Variants in CDKAL1 observed in about 807,000 individuals in gnomAD.
CDKAL1 encodes the protein threonylcarbamoyladenosine tRNA methylthiotransferase.
Under a neutral mutation model 68.2 loss-of-function variants are expected in CDKAL1, and 32 were observed. The observed-to-expected ratio is 0.47, with a 90% CI of 0.35 to 0.63. CDKAL1 has a LOEUF of 0.63. CDKAL1 is among the 30% of genes least tolerant of loss of function. The pLI is 0.00. For missense variants in CDKAL1, 606 were observed against 696.7 expected (o/e 0.87, Z 1.47); for synonymous variants, 234 against 244.3 (o/e 0.96, Z 0.39).
intron 9 of CDKAL1, among the ~76,000 whole-genome samples, chr6:20,901,699 A>AAAAAAAAAAAAAG (rs1554137984): frequency 1.3e-5 from 1 of 75,972 alleles, no homozygotes; most frequent in Non-Finnish European, 2.3e-5. Context: ...AAAAAAAAAA[A>AAAAAAAAAAAAAG]AAAAGAAAAG....
intron 6 of CDKAL1, among the ~76,000 whole-genome samples, chr6:20,743,617 G>T (rs1010143249): frequency 6.6e-6 from 1 of 152,086 alleles, no homozygotes; most frequent in African/African-American, 2.4e-5. Flanking sequence ...GCAATTTTTT[G>T]ACCTCTGGGC....
intron 8 of CDKAL1, among the ~76,000 whole-genome samples, chr6:20,834,075 T>G (rs996282916): frequency 5.3e-5 from 8 of 152,204 alleles, no homozygotes; most frequent in Non-Finnish European, 2.9e-5. Flanking sequence ...CAGGTTTTTG[T>G]GGTTTCTTTG....
intron 10 of CDKAL1, among the ~76,000 whole-genome samples, chr6:20,965,438 GA>G (rs1400973353): frequency 7.8e-5 from 11 of 140,814 alleles, no homozygotes; most frequent in African/African-American, 1.4e-4. Context: ...GAGGGGAGGG[GA>G]GGGGGAACAT....
chr6:21,085,737 C>T (rs1337251850), intron 12 of CDKAL1, among the ~76,000 whole-genome samples: 1 of 152,058 alleles, frequency 6.6e-6, no homozygotes, highest in Non-Finnish European at 1.5e-5. Flanking sequence ...GATCTACAGC[C>T]GCATTGGCCC....
At chr6:21,020,089 T>C (rs1298574613) in intron 11 of CDKAL1, among the ~76,000 whole-genome samples, 1 of 152,200 alleles carries the variant, frequency 6.6e-6, no homozygotes, top group Non-Finnish European at 1.5e-5. Flanking sequence ...TCTTTCACTC[T>C]TTCCTCCAAA....
chr6:20,762,750 A>G (rs544463978), intron 7 of CDKAL1, among the ~76,000 whole-genome samples: 15 of 152,212 alleles, frequency 9.9e-5, no homozygotes, highest in East Asian at 3.8e-4. Context: ...CCTCCTTAAT[A>G]TAAGAACTGC....
intron 9 of CDKAL1, among the ~76,000 whole-genome samples, chr6:20,914,382 C>T (rs373087156): frequency 4.9e-4 from 75 of 152,294 alleles, no homozygotes; most frequent in Middle Eastern, 3.4e-3. Context: ...AAAATGCACC[C>T]ACCGCCAAAC....
chr6:21,213,863 A>T (rs1330281864), intron 15 of CDKAL1, among the ~76,000 whole-genome samples: 1 of 152,214 alleles, frequency 6.6e-6, no homozygotes, highest in South Asian at 2.1e-4. Context: ...AGGGACTCAG[A>T]TACTTATATC....
intron 5 of CDKAL1, among the ~76,000 whole-genome samples, chr6:20,727,495 AG>A (rs1772709351): frequency 2.0e-5 from 3 of 152,262 alleles, no homozygotes; most frequent in South Asian, 4.2e-4. Flanking sequence ...GGGCTTCTTG[AG>A]GGGGGTAAGT....
chr6:20,602,575 A>G (rs1212117221), intron 4 of CDKAL1, among the ~76,000 whole-genome samples: 1 of 152,198 alleles, frequency 6.6e-6, no homozygotes, highest in Non-Finnish European at 1.5e-5. Context: ...CATCCTGAAA[A>G]TGGCATAATT....
rs1004447527 is a variant in CDKAL1, at chr6:20,706,750, G to T, written c.372-32769G>T. Among the ~76,000 whole-genome samples the T allele has an allele frequency of 2.6e-5, 4 of 152,294 alleles. No individual in the cohort carries two copies. In the East Asian group the frequency reaches 7.7e-4, roughly 29 times the overall value. ...TGCTCTCTTTATGATGTGAAGTGAT[G>T]AGTCACATGAGTAATTGTATTACTT... On this transcript the variant is annotated intron_variant, in intron 5 of 15. Transcript: ENST00000274695.
chr6:20,806,527 T>C (rs1581616286), intron 8 of CDKAL1, among the ~76,000 whole-genome samples: 1 of 152,188 alleles, frequency 6.6e-6, no homozygotes, highest in East Asian at 1.9e-4. Context: ...AGTTCTGTTT[T>C]AAGTTCTTTG....
At chr6:20,792,912 A>G (rs1775956702) in intron 8 of CDKAL1, among the ~76,000 whole-genome samples, 1 of 152,240 alleles carries the variant, frequency 6.6e-6, no homozygotes, top group Non-Finnish European at 1.5e-5. Flanking sequence ...TAGTAGTTTT[A>G]TATGTGTAGG....
intron 8 of CDKAL1, among the ~76,000 whole-genome samples, chr6:20,823,794 T>C (rs1777387415): frequency 6.6e-6 from 1 of 152,186 alleles, no homozygotes; most frequent in African/African-American, 2.4e-5. Flanking sequence ...TTTTCAGCGA[T>C]TGAGAATTAC....
intron 8 of CDKAL1, among the ~76,000 whole-genome samples, chr6:20,782,732 A>G (rs1203948727): frequency 6.6e-6 from 1 of 152,158 alleles, no homozygotes; most frequent in African/African-American, 2.4e-5. Context: ...TTACCACTCT[A>G]TCCCCAGTGA....
intron 8 of CDKAL1, among the ~76,000 whole-genome samples, chr6:20,832,931 C>T (rs565081641): frequency 8.5e-5 from 13 of 152,216 alleles, no homozygotes; most frequent in African/African-American, 3.1e-4. Context: ...TTAAATGGTC[C>T]TGAGTGCAAT....
intron 5 of CDKAL1, among the ~76,000 whole-genome samples, chr6:20,719,307 C>G (rs907730677): frequency 2.1e-4 from 32 of 152,206 alleles, no homozygotes; most frequent in Admixed American, 7.9e-4. Context: ...TTGAGTTGTG[C>G]TCTCTTTGAA....
rs187477533 is a variant in CDKAL1 at position 20,901,181 on chromosome 6, C to T, written c.743-54238C>T. On this transcript the variant is annotated intron_variant, in intron 9 of 15. Transcript: ENST00000274695. ...AGATAAACATATTAAGTAGCCCTTTCGGTGATGTACATATATGAAGATAGT... is the reference window on the plus strand; with the variant it reads ...AGATAAACATATTAAGTAGCCCTTTTGGTGATGTACATATATGAAGATAGT... Among the ~76,000 whole-genome samples the T allele has an allele frequency of 1.7e-3, 266 of 152,168 alleles. 1 individual carries two copies. The highest frequency in any genetic ancestry group is 5.9e-3 in the African/African-American group (244 of 41,496).
At chr6:20,612,269 G>C (rs568504845) in intron 4 of CDKAL1, among the ~76,000 whole-genome samples, 1 of 151,726 alleles carries the variant, frequency 6.6e-6, no homozygotes, top group Non-Finnish European at 1.5e-5. Context: ...ATAAATACCC[G>C]TTAGTGGGAT....
Sources: gnomAD v4.1 joint callset for allele counts (sites outside exome capture counted in the v4.1 genomes callset) on GRCh38, gnomAD v4.1.1 for gene constraint, MANE v1.5 for transcripts, NCBI Gene and HGNC (gene_info 2026-07-23, HGNC 2026-07-21) for gene names.